The following PCSK5 variants were observed in gnomAD, a reference collection of about 807,000 sequenced individuals.
PCSK5 encodes prohormone convertase 5.
Under a neutral mutation model 233.2 loss-of-function variants are expected in PCSK5, and 129 were observed. The observed-to-expected ratio is 0.55, with a 90% CI of 0.48 to 0.64. The LOEUF (loss-of-function observed/expected upper bound fraction) is 0.64, where lower values mean the gene tolerates loss of function less well. PCSK5 is among the 30% of genes least tolerant of loss of function. PCSK5 has a pLI of 0.00. For missense variants in PCSK5, 2,076 were observed against 2,430.1 expected (o/e 0.85, Z 3.06); for synonymous variants, 825 against 879.2 (o/e 0.94, Z 1.09).
At chr9:76,090,200 C>G (rs1831229026) in intron 7 of PCSK5, among the ~76,000 whole-genome samples, 1 of 152,100 alleles carries the variant, frequency 6.6e-6, no homozygotes, top group South Asian at 2.1e-4. Context: ...AGATTCTTTT[C>G]TCTTCATAGT....
chr9:76,112,851 G>A (rs938036005), intron 9 of PCSK5, among the ~76,000 whole-genome samples: 1 of 152,038 alleles, frequency 6.6e-6, no homozygotes, highest in Non-Finnish European at 1.5e-5. Flanking sequence ...GGGGGTGCAG[G>A]ACTTGGATGA....
At chr9:75,926,923 T>A (rs182000854) in intron 1 of PCSK5, among the ~76,000 whole-genome samples, 355 of 152,298 alleles carry the variant, frequency 2.3e-3, no homozygotes, top group Non-Finnish European at 4.0e-3. Context: ...ATTAAGAAAA[T>A]TCTGTGAACG....
intron 2 of PCSK5, among the ~76,000 whole-genome samples, chr9:75,954,681 A>C (rs1184940907): frequency 6.6e-6 from 1 of 152,146 alleles, no homozygotes; most frequent in Non-Finnish European, 1.5e-5. Flanking sequence ...GACATCAGGA[A>C]AACCAAGGGG....
chr9:75,998,880 G>A (rs1198515325), intron 3 of PCSK5, among the ~76,000 whole-genome samples: 1 of 152,014 alleles, frequency 6.6e-6, no homozygotes, highest in Non-Finnish European at 1.5e-5. Flanking sequence ...TTTAAGATAT[G>A]AACTACTTTT....
At chr9:76,046,587 G>C (rs1409644441) in intron 5 of PCSK5, among the ~76,000 whole-genome samples, 1 of 129,944 alleles carries the variant, frequency 7.7e-6, no homozygotes, top group Non-Finnish European at 1.6e-5. Context: ...TTGAGACGGA[G>C]TGTGGCTCTG....
In PCSK5 at chr9:75,970,101, G is replaced by A. The variant is rs1825752788; in HGVS notation, c.298-16031G>A. On this transcript the variant is annotated intron_variant, in intron 2 of 37. Transcript: ENST00000674117. ...TTGGCCAGGCTGGTCTTGAACTCCT[G>A]ACCTCAGTTGATCCGCCCACCTTGG... Among the ~76,000 whole-genome samples the A allele has an allele frequency of 2.0e-5, 3 of 152,042 alleles. No homozygotes were observed. The South Asian group carries it at 6.2e-4, about 32-fold the overall frequency.
At position 76,358,548 on chromosome 9, in the gene PCSK5, G is replaced by T. The variant is rs1161638011; in HGVS notation, c.5290G>T (p.Ala1764Ser). The T allele has an allele frequency of 6.2e-7, 1 of 1,612,680 alleles. No individual in the cohort carries two copies. The highest frequency in any genetic ancestry group is 2.2e-5 in the East Asian group (1 of 44,878). Residue 1764 changes from alanine to serine, a missense_variant, in exon 38 of 38, where the codon GCA becomes TCA. By Grantham distance (99) the Ala-to-Ser change is moderately conservative. Around this residue, in one of 6 missense-constraint regions of PCSK5, gnomAD observed 1,510 missense variants for 1,538.1 expected, o/e 0.98. Transcript: ENST00000674117. Reference protein sequence around the residue: ...CILRTSKVRPATEHFKTALFI... With the variant: ...CILRTSKVRPSTEHFKTALFI... ...CCTTCGAACAAGCAAGGTTAGGCCT[G>T]CAACTGAGCATTTCAAGACAGCTCT...
At chr9:75,992,077 C>T (rs1826790688) in intron 3 of PCSK5, among the ~76,000 whole-genome samples, 1 of 152,056 alleles carries the variant, frequency 6.6e-6, no homozygotes. Flanking sequence ...ATCTGGGAGA[C>T]AGAGCAAGAC....
In PCSK5 at chr9:76,263,459, C is replaced by T. The variant is rs559616160; in HGVS notation, c.3142+22775C>T. Among the ~76,000 whole-genome samples the T allele has an allele frequency of 9.2e-5, 14 of 152,014 alleles. No homozygotes were observed. In the South Asian group the frequency reaches 1.0e-3, roughly 11 times the overall value. ...AATACTATAAAGCCATAAAAAATGA[C>T]GAGTTCGTGTCCTTTGTAGGGACAT... On this transcript the variant is annotated intron_variant, in intron 24 of 37. Coordinates refer to ENST00000674117, the MANE Select transcript of PCSK5 (RefSeq NM_001372043.1).
chr9:75,920,214 TCTC>T (rs1823188995), intron 1 of PCSK5, among the ~76,000 whole-genome samples: 1 of 152,064 alleles, frequency 6.6e-6, no homozygotes, highest in African/African-American at 2.4e-5. Flanking sequence ...AGGGGGAGCT[TCTC>T]CTCCTAATAG....
chr9:76,327,929 C>A, intron 32 of PCSK5, 80 bp from the exon 33 acceptor site: 1 of 854,362 alleles, frequency 1.2e-6, no homozygotes, highest in Non-Finnish European at 2.0e-6. Flanking sequence ...AATGTGAAGA[C>A]CCTTTCCCAG....
chr9:76,193,101 C>A, intron 20 of PCSK5: 1 of 616,804 alleles, frequency 1.6e-6, no homozygotes, highest in Non-Finnish European at 2.6e-6. Flanking sequence ...AAATTTCCTC[C>A]TGTTGACTAC....
intron 8 of PCSK5, among the ~76,000 whole-genome samples, chr9:76,106,220 C>T (rs1325939457): frequency 1.3e-5 from 2 of 152,132 alleles, no homozygotes; most frequent in African/African-American, 2.4e-5. Flanking sequence ...TAATAGCCTT[C>T]CAATAACTTC....
intron 3 of PCSK5, among the ~76,000 whole-genome samples, chr9:75,997,975 C>G (rs1303094769): frequency 1.3e-5 from 2 of 152,136 alleles, no homozygotes; most frequent in Non-Finnish European, 2.9e-5. Flanking sequence ...TATAGAAGTT[C>G]TGATCCAGAC....
chr9:75,897,749 T>C (rs1209607427), intron 1 of PCSK5, among the ~76,000 whole-genome samples: 1 of 152,124 alleles, frequency 6.6e-6, no homozygotes, highest in Non-Finnish European at 1.5e-5. Context: ...TGCCTTGGTG[T>C]TCCTAAGGGA....
At chr9:76,187,958 G>GTGTT (rs1824185475) in intron 17 of PCSK5, among the ~76,000 whole-genome samples, 2 of 152,166 alleles carry the variant, frequency 1.3e-5, no homozygotes, top group African/African-American at 4.8e-5. Flanking sequence ...TTTCATTAGA[G>GTGTT]TGTTTAAAAT....
intron 3 of PCSK5, 40 bp downstream of exon 3, chr9:75,986,285 C>A: frequency 8.5e-7 from 1 of 1,182,154 alleles, no homozygotes; most frequent in Non-Finnish European, 1.3e-6. Flanking sequence ...GCCATGTCAT[C>A]CGGTTTTGTG....
At chr9:75,903,724 C>A (rs1281983166) in intron 1 of PCSK5, among the ~76,000 whole-genome samples, 1 of 150,598 alleles carries the variant, frequency 6.6e-6, no homozygotes, top group East Asian at 1.9e-4. Flanking sequence ...TATACCAGAT[C>A]TCTGTATATC....
intron 2 of PCSK5, among the ~76,000 whole-genome samples, chr9:75,956,477 T>C (rs1411683325): frequency 6.6e-6 from 1 of 152,186 alleles, no homozygotes; most frequent in Non-Finnish European, 1.5e-5. Context: ...CCAGATAATC[T>C]TCCATGGCAG....
Sources: gnomAD v4.1 joint callset for allele counts (sites outside exome capture counted in the v4.1 genomes callset) on GRCh38, gnomAD v4.1.1 for gene constraint, gnomAD v4.1.1 regional missense constraint, MANE v1.5 for transcripts, NCBI Gene and HGNC (gene_info 2026-07-23, HGNC 2026-07-21) for gene names.